NKAIN2: variants seen among roughly 807,000 people sequenced by gnomAD.
NKAIN2 encodes sodium/potassium transporting ATPase interacting 2, also known as sodium/potassium-transporting ATPase subunit beta-1-interacting protein 2.
NKAIN2 carries 14 observed loss-of-function variants against 32.6 expected under a neutral mutation model. The ratio of observed to expected loss-of-function variants is 0.43; its 90% CI spans 0.28 to 0.67. The LOEUF (loss-of-function observed/expected upper bound fraction) is 0.67, where lower values mean the gene tolerates loss of function less well. NKAIN2 is among the 30% of genes least tolerant of loss of function. The pLI is 0.17. For missense variants in NKAIN2, 198 were observed against 258.3 expected, an observed-to-expected ratio of 0.77 and a Z score of 1.60; for synonymous variants, 80 against 87.2, an observed-to-expected ratio of 0.92 and a Z score of 0.46.
intron 2 of NKAIN2, among the ~76,000 whole-genome samples, chr6:124,348,554 C>G (rs959349603): frequency 1.3e-5 from 2 of 152,234 alleles, no homozygotes; most frequent in South Asian, 2.1e-4. Context: ...GCCCCTCCCC[C>G]AGCCTCGCTG....
At chr6:124,673,009 G>A (rs1773179464) in intron 4 of NKAIN2, among the ~76,000 whole-genome samples, 2 of 152,030 alleles carry the variant, frequency 1.3e-5, no homozygotes. Context: ...TTGCATGGCT[G>A]AAAATATACA....
At chr6:124,411,574 T>G (rs1231426085) in intron 3 of NKAIN2, among the ~76,000 whole-genome samples, 10 of 152,274 alleles carry the variant, frequency 6.6e-5, no homozygotes, top group African/African-American at 2.4e-4. Flanking sequence ...TGGGCTTCCT[T>G]TTGTGGGTAA....
At chr6:124,124,366 A>AC (rs11446771) in intron 1 of NKAIN2, among the ~76,000 whole-genome samples, 105,208 of 151,946 alleles carry the variant, frequency 0.69, 36,714 homozygotes, top group African/African-American at 0.77. Flanking sequence ...TCTTCCAGTT[A>AC]AACACAGCAT....
intron 2 of NKAIN2, among the ~76,000 whole-genome samples, chr6:124,291,659 A>G (rs776414116): frequency 6.6e-6 from 1 of 152,108 alleles, no homozygotes; most frequent in Non-Finnish European, 1.5e-5. Context: ...GCATACCCAG[A>G]CAGCCTATCA....
intron 1 of NKAIN2, among the ~76,000 whole-genome samples, chr6:124,197,844 T>G (rs1389535326): frequency 2.6e-5 from 4 of 150,954 alleles, no homozygotes; most frequent in Admixed American, 1.3e-4. Flanking sequence ...CTGGTTTTTT[T>G]TTTTTTTTTT....
chr6:124,434,068 GC>G (rs971896049), intron 3 of NKAIN2, among the ~76,000 whole-genome samples: 3 of 152,092 alleles, frequency 2.0e-5, no homozygotes, highest in African/African-American at 7.2e-5. Flanking sequence ...TAGCCTTCCA[GC>G]CCCCTATGTG....
chr6:124,041,442 A>G (rs1176750078), intron 1 of NKAIN2, among the ~76,000 whole-genome samples: 2 of 151,986 alleles, frequency 1.3e-5, no homozygotes, highest in Non-Finnish European at 2.9e-5. Flanking sequence ...TAGTTAATTT[A>G]ATGCTATTGA....
intron 3 of NKAIN2, among the ~76,000 whole-genome samples, chr6:124,416,499 C>A (rs1436056656): frequency 6.6e-6 from 1 of 152,036 alleles, no homozygotes; most frequent in African/African-American, 2.4e-5. Context: ...ATTAGCCAAG[C>A]GTGATGGCAT....
chr6:124,598,097 A>G (rs890522544), intron 3 of NKAIN2, among the ~76,000 whole-genome samples: 1 of 152,146 alleles, frequency 6.6e-6, no homozygotes, highest in African/African-American at 2.4e-5. Flanking sequence ...TTCAAGAAAA[A>G]TTTCCTAGAT....
chr6:124,392,308 T>C (rs1583176313), intron 3 of NKAIN2, among the ~76,000 whole-genome samples: 2 of 152,290 alleles, frequency 1.3e-5, no homozygotes, highest in Middle Eastern at 3.4e-3. Context: ...CCTAATACCA[T>C]GCTATGGCCA....
At chr6:124,581,371 G>A (rs533551811) in intron 3 of NKAIN2, among the ~76,000 whole-genome samples, 43 of 150,444 alleles carry the variant, frequency 2.9e-4, no homozygotes, top group African/African-American at 8.3e-4. Flanking sequence ...CCCGGGAAGC[G>A]GAGCTTGCAG....
chr6:124,215,851 C>T (rs532779657), intron 1 of NKAIN2, among the ~76,000 whole-genome samples: 1 of 152,274 alleles, frequency 6.6e-6, no homozygotes, highest in East Asian at 1.9e-4. Flanking sequence ...GATGCAGTGG[C>T]TGACGCCTGT....
intron 1 of NKAIN2, among the ~76,000 whole-genome samples, chr6:124,222,889 CT>C (rs1206215766): frequency 6.6e-6 from 1 of 152,050 alleles, no homozygotes; most frequent in Non-Finnish European, 1.5e-5. Flanking sequence ...CTAATTCATA[CT>C]GTAAGTTCAG....
At chr6:124,052,410 C>T (rs181390922) in intron 1 of NKAIN2, among the ~76,000 whole-genome samples, 1 of 152,036 alleles carries the variant, frequency 6.6e-6, no homozygotes, top group African/African-American at 2.4e-5. Context: ...GTTTATTATC[C>T]ATTTATTTTC....
At chr6:124,348,729 G>A (rs1798568725) in intron 2 of NKAIN2, among the ~76,000 whole-genome samples, 1 of 152,236 alleles carries the variant, frequency 6.6e-6, no homozygotes, top group Non-Finnish European at 1.5e-5. Context: ...TCACTAGGGA[G>A]TGCCAGACAG....
intron 2 of NKAIN2, among the ~76,000 whole-genome samples, chr6:124,338,740 C>A (rs1318821608): frequency 2.0e-5 from 3 of 152,162 alleles, no homozygotes; most frequent in Non-Finnish European, 2.9e-5. Context: ...CTGTCATAGA[C>A]CTTCACAGTA....
At chr6:124,100,736 C>T (rs538047670) in intron 1 of NKAIN2, among the ~76,000 whole-genome samples, 4 of 152,270 alleles carry the variant, frequency 2.6e-5, no homozygotes, top group East Asian at 1.9e-4. Context: ...CTATCAAACT[C>T]GGATGCAGGC....
chr6:124,314,627 G>A (rs1040827055), intron 2 of NKAIN2, among the ~76,000 whole-genome samples: 1 of 152,102 alleles, frequency 6.6e-6, no homozygotes, highest in South Asian at 2.1e-4. Context: ...AGAGGCTGGG[G>A]CCTTTCTATC....
chr6:124,431,610 T>G (rs995152444), intron 3 of NKAIN2, among the ~76,000 whole-genome samples: 21 of 152,320 alleles, frequency 1.4e-4, no homozygotes, highest in African/African-American at 4.8e-4. Context: ...CAAGAGCCAA[T>G]TTTTCCTCCT....
Sources: gnomAD v4.1 joint callset for allele counts (sites outside exome capture counted in the v4.1 genomes callset) on GRCh38, gnomAD v4.1.1 for gene constraint, MANE v1.5 for transcripts, NCBI Gene and HGNC (gene_info 2026-07-23, HGNC 2026-07-21) for gene names.